Variants in CEP83 observed in about 807,000 individuals in gnomAD.
CEP83 encodes centrosomal protein of 83 kDa.
In CEP83, 70 loss-of-function variants were observed where a neutral mutation model predicts 101.9. That is an observed-to-expected ratio of 0.69 (90% confidence interval 0.57 to 0.84). CEP83 has a LOEUF of 0.84. Among genes scored for constraint, CEP83 ranks in the 40% least tolerant of loss-of-function variants. The pLI, the probability that CEP83 is intolerant of heterozygous loss-of-function variation, is 0.00. For missense variants in CEP83, 715 were observed against 787.2 expected (o/e 0.91, Z 1.10); for synonymous variants, 264 against 267.9 (o/e 0.99, Z 0.14).
the CEP83 span, chr12:94,301,092 C>G: frequency 6.3e-7 from 1 of 1,597,100 alleles, no homozygotes; most frequent in Non-Finnish European, 8.6e-7. Context: ...TGTATGCAGT[C>G]TTATGAGTTT....
the CEP83 span, among the ~76,000 whole-genome samples, chr12:94,301,298 CTT>C: frequency 6.6e-6 from 1 of 152,174 alleles, no homozygotes; most frequent in African/African-American, 2.4e-5. Flanking sequence ...CTGTGAAAAA[CTT>C]TATCACAAAG....
At chr12:94,317,089 A>AT (rs990569947) in intron 14 of CEP83, among the ~76,000 whole-genome samples, 4 of 151,826 alleles carry the variant, frequency 2.6e-5, no homozygotes, top group African/African-American at 4.8e-5. Flanking sequence ...AGAATCTGCT[A>AT]TTTTTTTATT....
chr12:94,393,532 A>C (rs924497823), intron 6 of CEP83, among the ~76,000 whole-genome samples: 9 of 152,234 alleles, frequency 5.9e-5, no homozygotes, highest in African/African-American at 2.2e-4. Flanking sequence ...CTGAATGGGC[A>C]AAAACTGGAA....
chr12:94,395,659 T>C (rs1324509386), intron 6 of CEP83, among the ~76,000 whole-genome samples: 2 of 152,004 alleles, frequency 1.3e-5, no homozygotes, highest in African/African-American at 4.8e-5. Context: ...CCGTCTCTAC[T>C]AAAAACACAA....
chr12:94,331,442 C>G (rs1315048615), intron 14 of CEP83, among the ~76,000 whole-genome samples: 2 of 131,480 alleles, frequency 1.5e-5, no homozygotes, highest in Admixed American at 8.6e-5. Context: ...TCTCGGCTCA[C>G]TATAAGCTCT....
the CEP83 span, among the ~76,000 whole-genome samples, chr12:94,293,034 A>C: frequency 6.6e-6 from 1 of 152,062 alleles, no homozygotes; most frequent in Non-Finnish European, 1.5e-5. Flanking sequence ...CTAACATGAT[A>C]GTTTTGACTG....
chr12:94,338,461 C>T (rs964874767), intron 11 of CEP83, among the ~76,000 whole-genome samples: 4 of 152,154 alleles, frequency 2.6e-5, no homozygotes, highest in African/African-American at 4.8e-5. Context: ...ATGCTCATTT[C>T]TCTTCTTGGT....
intron 12 of CEP83, among the ~76,000 whole-genome samples, chr12:94,335,037 T>C (rs1301196727): frequency 6.6e-6 from 1 of 152,088 alleles, no homozygotes; most frequent in Non-Finnish European, 1.5e-5. Flanking sequence ...TCCTACTTCA[T>C]AATTTATAGG....
In CEP83 at chr12:94,378,831, C is replaced by T. The variant is rs370338130; in HGVS notation, c.761G>A (p.Arg254Gln). The change falls in exon 7 of 17, where the codon CGG becomes CAG. Residue 254 changes from arginine to glutamine, a missense_variant. Physicochemically the swap from Arg to Gln is conservative, Grantham distance 43 (BLOSUM62 1). Transcript: ENST00000397809. ...TGTAGCCTGCATCTCAGCCAACTGCCGCACCTGTATTCTTTGGGCATTTTC... is the reference window on the plus strand; with the variant it reads ...TGTAGCCTGCATCTCAGCCAACTGCTGCACCTGTATTCTTTGGGCATTTTC... ...QVENAQRIQV[R>Q]QLAEMQATVR... 11 of 1,614,044 alleles carry T rather than the reference C, an allele frequency of 6.8e-6. No homozygotes were observed. The highest frequency in any genetic ancestry group is 2.2e-5 in the South Asian group (2 of 91,082).
chr12:94,378,652 GAATA>G lies in CEP83; in HGVS notation c.801+135_801+138del, dbSNP rs2061674977. The stretch of plus-strand genomic sequence containing the variant: ...TCAATAGCTTTCTTCTTTACTAAAA[GAATA>G]AATACTCTTGGGATTACACAAATGC... On this transcript the variant is annotated intron_variant, in intron 7 of 16. Coordinates refer to ENST00000397809, the MANE Select transcript of CEP83 (RefSeq NM_016122.3). 9.9e-6 allele frequency: 9 copies of G among 912,808 alleles called. No homozygotes were observed. In the South Asian group the frequency reaches 1.6e-4, roughly 17 times the overall value. The allele number at this position is 912,808 out of a possible 1,614,324, so 56.5% of individuals were successfully genotyped here.
chr12:94,314,541 CTTCA>C (rs1334909378), intron 14 of CEP83, among the ~76,000 whole-genome samples: 1 of 152,214 alleles, frequency 6.6e-6, no homozygotes, highest in Non-Finnish European at 1.5e-5. Context: ...TACAGATATA[CTTCA>C]TTCATTCCCA....
intron 2 of CEP83, among the ~76,000 whole-genome samples, chr12:94,431,706 C>A (rs2065638448): frequency 6.6e-6 from 1 of 151,810 alleles, no homozygotes; most frequent in South Asian, 2.1e-4. Flanking sequence ...TCATTAATTA[C>A]CAGGGAAATG....
intron 6 of CEP83, among the ~76,000 whole-genome samples, chr12:94,392,056 C>G (rs2062578842): frequency 6.6e-6 from 1 of 152,124 alleles, no homozygotes; most frequent in Non-Finnish European, 1.5e-5. Flanking sequence ...CTTTAACACT[C>G]CACTGTCAAT....
intron 11 of CEP83, among the ~76,000 whole-genome samples, chr12:94,363,667 G>A (rs2060883561): frequency 6.6e-6 from 1 of 152,078 alleles, no homozygotes; most frequent in South Asian, 2.1e-4. Context: ...ATGAACATTA[G>A]GGCAGGTGCG....
intron 6 of CEP83, among the ~76,000 whole-genome samples, chr12:94,386,153 T>C (rs1200831550): frequency 2.0e-5 from 3 of 152,212 alleles, no homozygotes; most frequent in Admixed American, 2.0e-4. Flanking sequence ...TCTTTTCAAA[T>C]CTTACTTTTA....
Position 94,428,324 on chromosome 12 carries a change from C to G in CEP83, c.-102+6951G>C, listed in dbSNP as rs185293004. ...GGACTTTCCAGAAGATTTATGAGCA[C>G]TTAGCACCTCTGTGTGAGTTGTATA... On this transcript the variant is annotated intron_variant, in intron 2 of 16. Transcript: ENST00000397809. Among the ~76,000 whole-genome samples the G allele has an allele frequency of 2.0e-5, 3 of 152,298 alleles. No individual in the cohort carries two copies. In the East Asian group the frequency reaches 5.8e-4, roughly 29 times the overall value.
At chr12:94,403,347 A>G in intron 4 of CEP83, 85 bp from the exon 5 acceptor site, 1 of 635,018 alleles carries the variant, frequency 1.6e-6, no homozygotes, top group Non-Finnish European at 2.7e-6. Context: ...CCTAATTATG[A>G]CAATGGAATT....
chr12:94,399,214 T>C (rs1034787626), intron 6 of CEP83, among the ~76,000 whole-genome samples: 2 of 152,182 alleles, frequency 1.3e-5, no homozygotes, highest in Non-Finnish European at 2.9e-5. Context: ...CTTGCTGGCT[T>C]TGAGGCTCAG....
In CEP83 at chr12:94,413,825, TACACACAC is replaced by T. The variant is rs56372938; in HGVS notation, c.-101-1242_-101-1235del. Among the ~76,000 whole-genome samples, 810 of 140,478 alleles carry T rather than the reference TACACACAC, an allele frequency of 5.8e-3. 2 individuals are homozygous for T. Among genetic ancestry groups the T allele is most frequent in the East Asian group, 6.8e-3 (32 of 4,676 alleles). The allele number at this position is 140,478 out of a possible 152,430, so 92.2% of individuals were successfully genotyped here. On this transcript the variant is annotated intron_variant, in intron 2 of 16. Coordinates refer to ENST00000397809, the MANE Select transcript of CEP83 (RefSeq NM_016122.3). ...TTTCTTTCTCTAGTCCCATAATACA[TACACACAC>T]ACACACACACACACACACACACACA...
Sources: gnomAD v4.1 joint callset for allele counts (sites outside exome capture counted in the v4.1 genomes callset) on GRCh38, gnomAD v4.1.1 for gene constraint, MANE v1.5 for transcripts, NCBI Gene and HGNC (gene_info 2026-07-23, HGNC 2026-07-21) for gene names.